Variants in CADPS observed in about 807,000 individuals in gnomAD.
CADPS encodes calcium dependent secretion activator, also known as calcium-dependent secretion activator 1.
A neutral mutation model predicts 167.3 loss-of-function variants in CADPS; 57 were observed. The ratio of observed to expected loss-of-function variants is 0.34; its 90% CI spans 0.28 to 0.42. CADPS has a LOEUF of 0.42. CADPS is among the 20% of genes least tolerant of loss of function. The pLI, the probability that CADPS is intolerant of heterozygous loss-of-function variation, is 1.00. For synonymous variants in CADPS, 676 were observed against 635.3 expected (o/e 1.06, Z -0.96); for missense variants, 1,414 against 1,738.1 (o/e 0.81, Z 3.32).
chr3:62,464,666 T>A (rs1013980974), intron 26 of CADPS, among the ~76,000 whole-genome samples: 14 of 152,174 alleles, frequency 9.2e-5, no homozygotes, highest in Non-Finnish European at 1.9e-4. Flanking sequence ...TGGCACAGAA[T>A]CAGGGCCTCT....
chr3:62,403,864 T>C (rs1024878243), intron 28 of CADPS: 1 of 152,126 alleles, frequency 6.6e-6, no homozygotes, highest in Non-Finnish European at 1.5e-5. Flanking sequence ...AAAAAAACCA[T>C]CTACAAATGA....
At chr3:62,748,106 G>T (rs190234123) in intron 3 of CADPS, among the ~76,000 whole-genome samples, 1 of 142,992 alleles carries the variant, frequency 7.0e-6, no homozygotes, top group African/African-American at 2.6e-5. Flanking sequence ...GGATCACAAG[G>T]TCAGGAGATT....
chr3:62,755,165 C>T (rs1316910326), intron 2 of CADPS, among the ~76,000 whole-genome samples: 1 of 152,122 alleles, frequency 6.6e-6, no homozygotes, highest in Non-Finnish European at 1.5e-5. Context: ...AATGGGTAGT[C>T]TTTTTACTTC....
At chr3:62,683,245 A>G (rs1402704996) in intron 3 of CADPS, among the ~76,000 whole-genome samples, 1 of 151,940 alleles carries the variant, frequency 6.6e-6, no homozygotes, top group Non-Finnish European at 1.5e-5. Context: ...GGGAGGAGGG[A>G]TGAGAAGTTC....
intron 9 of CADPS, 129 bp downstream of exon 9, chr3:62,570,743 A>G (rs1464633349): frequency 1.4e-6 from 1 of 704,926 alleles, no homozygotes; most frequent in Non-Finnish European, 2.5e-6. Context: ...TTACATGGAT[A>G]TATGTAAAAA....
rs368491888 is a variant in CADPS at position 62,399,517 on chromosome 3, C to T, written c.3951G>A (p.Thr1317=). Residue 1317 remains threonine (T), a synonymous_variant, in exon 30 of 30, where the codon ACG becomes ACA. Coordinates refer to ENST00000383710, the MANE Select transcript of CADPS (RefSeq NM_003716.4). The surrounding 1 kb of genome is among the most constrained non-coding windows in gnomAD (Gnocchi z 5.6). ...DSTLNSKTYE[T]IRNRLTVEEA... Reference sequence around the variant, plus strand: ...CCTCCACAGTGAGACGGTTCCGGATCGTTTCATAGGTCTTGCTGTTTAAGG... The same window carrying T: ...CCTCCACAGTGAGACGGTTCCGGATTGTTTCATAGGTCTTGCTGTTTAAGG... 6.0e-5 allele frequency: 97 copies of T among 1,613,954 alleles called. No individual in the cohort carries two copies. The highest frequency in any genetic ancestry group is 1.1e-4 in the East Asian group (5 of 44,886).
chr3:62,734,294 C>T (rs922149303), intron 3 of CADPS, among the ~76,000 whole-genome samples: 6 of 152,112 alleles, frequency 3.9e-5, no homozygotes, highest in African/African-American at 1.4e-4. Context: ...AGCCGCAAGT[C>T]ACATGTGGCT....
intron 28 of CADPS, among the ~76,000 whole-genome samples, chr3:62,434,020 C>G (rs1002990191): frequency 6.6e-6 from 1 of 152,096 alleles, no homozygotes; most frequent in African/African-American, 2.4e-5. Flanking sequence ...TATTTCATAT[C>G]CATGTTTTAT....
intron 3 of CADPS, among the ~76,000 whole-genome samples, chr3:62,677,060 C>T (rs910258843): frequency 8.5e-5 from 13 of 152,180 alleles, no homozygotes; most frequent in African/African-American, 2.2e-4. Flanking sequence ...CTGGCCAACA[C>T]GGGAGAACAG....
At chr3:62,708,251 G>C (rs374528711) in intron 3 of CADPS, among the ~76,000 whole-genome samples, 5 of 150,196 alleles carry the variant, frequency 3.3e-5, no homozygotes, top group Non-Finnish European at 7.4e-5. Context: ...AAAGTGGAGA[G>C]AAAAAAAAGC....
chr3:62,605,654 G>C (rs2060597076), intron 6 of CADPS, among the ~76,000 whole-genome samples: 1 of 152,186 alleles, frequency 6.6e-6, no homozygotes, highest in African/African-American at 2.4e-5. Context: ...GAGTGATGCT[G>C]AACAGCTGAC....
chr3:62,451,725 A>G (rs1278684742), intron 26 of CADPS, among the ~76,000 whole-genome samples: 1 of 152,138 alleles, frequency 6.6e-6, no homozygotes, highest in Non-Finnish European at 1.5e-5. Flanking sequence ...CTTTGCCTAG[A>G]TACTGCAGAC....
intron 3 of CADPS, among the ~76,000 whole-genome samples, chr3:62,698,595 T>G: frequency 6.6e-6 from 1 of 151,760 alleles, no homozygotes; most frequent in East Asian, 2.0e-4. Context: ...AGTCATCATC[T>G]CCCACATTAG....
At chr3:62,747,122 C>T (rs1408728458) in intron 3 of CADPS, among the ~76,000 whole-genome samples, 1 of 152,144 alleles carries the variant, frequency 6.6e-6, no homozygotes, top group Admixed American at 6.5e-5. Context: ...ATGCCTAGTG[C>T]AAAGTAGATG....
In CADPS at chr3:62,485,606, A is replaced by G. The variant is rs887994360; in HGVS notation, c.3027-3737T>C. 3.3e-5 allele frequency among the ~76,000 whole-genome samples: 5 copies of G among 152,110 alleles called. No homozygotes were observed. In the East Asian group the frequency reaches 9.6e-4, roughly 29 times the overall value. ...CTTGTGTGTATGTTGCTCAGACCCA[A>G]CTAGATTGAAACCCTCATCTGGGGA... On this transcript the variant is annotated intron_variant, in intron 21 of 29. Transcript: ENST00000383710.
At chr3:62,740,019 T>C (rs1049467470) in intron 3 of CADPS, among the ~76,000 whole-genome samples, 1 of 152,204 alleles carries the variant, frequency 6.6e-6, no homozygotes, top group Non-Finnish European at 1.5e-5. Flanking sequence ...TTGAAATCAG[T>C]GACTTACACT....
At chr3:62,810,133 T>C (rs545515077) in intron 1 of CADPS, among the ~76,000 whole-genome samples, 1 of 152,270 alleles carries the variant, frequency 6.6e-6, no homozygotes, top group African/African-American at 2.4e-5. Context: ...ATCTGGGAAA[T>C]GACCTTCCCT....
In CADPS at chr3:62,432,360, T is replaced by C. The variant is rs187554974; in HGVS notation, c.3777+5744A>G. 2.9e-3 allele frequency among the ~76,000 whole-genome samples: 439 copies of C among 152,250 alleles called. 3 individuals carry two copies. The highest frequency in any genetic ancestry group is 0.01 in the African/African-American group (419 of 41,572). ...AAGCTCAAAAGTGGCAGAACCAAGT[T>C]TCCTCCTTCTGTCTGTCTTACTTCA... On this transcript the variant is annotated intron_variant, in intron 28 of 29. Transcript: ENST00000383710.
chr3:62,678,989 G>T (rs1580270512), intron 3 of CADPS, among the ~76,000 whole-genome samples: 1 of 151,990 alleles, frequency 6.6e-6, no homozygotes. Context: ...GGTTCCCAAG[G>T]CATTAGCCTG....
Sources: allele counts gnomAD v4.1 joint callset (sites outside exome capture counted in the v4.1 genomes callset), GRCh38; gene constraint gnomAD v4.1.1; non-coding constraint Gnocchi (gnomAD v3.1); transcripts MANE v1.5; gene names NCBI Gene and HGNC (gene_info 2026-07-23, HGNC 2026-07-21).